The following FBXO15 variants were observed in gnomAD, a reference collection of about 807,000 sequenced individuals.
The protein encoded by FBXO15 is F-box protein 15, also known as F-box only protein 15.
In FBXO15, 30 loss-of-function variants were observed where a neutral mutation model predicts 49.5. The ratio of observed to expected loss-of-function variants is 0.61; its 90% confidence interval spans 0.45 to 0.82. The LOEUF (loss-of-function observed/expected upper bound fraction) is 0.82, where lower values mean the gene tolerates loss of function less well. Ranked by LOEUF, FBXO15 falls within the 40% of genes least tolerant of loss-of-function variation. The probability of loss-of-function intolerance (pLI) is 0.00; values close to 1 mark genes in which losing one functional copy is unlikely to be tolerated. For synonymous variants in FBXO15, 250 were observed against 232.7 expected (o/e 1.07, Z -0.68); for missense variants, 591 against 631.5 (o/e 0.94, Z 0.69).
intron 8 of FBXO15, among the ~76,000 whole-genome samples, chr18:74,102,371 G>A (rs1181022315): frequency 6.6e-6 from 1 of 152,018 alleles, no homozygotes. Flanking sequence ...CATCACTAAT[G>A]ATCAGGGTAG....
rs1274270605 is a variant in FBXO15 at position 74,074,232 on chromosome 18, C to T, written c.1264-502G>A. 6.6e-6 allele frequency among the ~76,000 whole-genome samples: 1 copy of T among 152,208 alleles called. No individual in the cohort carries two copies. Among genetic ancestry groups the T allele is most frequent in the Non-Finnish European group, 1.5e-5 (1 of 68,032 alleles). ...TGCAGCTCTGCACCCATGCTCCATGCCTGTCTCTGACATGTGCCAGCCTCC... is the reference window on the plus strand; with the variant it reads ...TGCAGCTCTGCACCCATGCTCCATGTCTGTCTCTGACATGTGCCAGCCTCC... On this transcript the variant is annotated intron_variant, in intron 9 of 9. Coordinates refer to ENST00000419743, the MANE Select transcript of FBXO15 (RefSeq NM_001142958.2). The surrounding 1 kb of genome is among the most constrained non-coding windows in gnomAD (Gnocchi z 4.7).
intron 8 of FBXO15, among the ~76,000 whole-genome samples, chr18:74,102,098 A>T (rs960507807): frequency 5.9e-5 from 9 of 152,198 alleles, no homozygotes; most frequent in African/African-American, 2.2e-4. Flanking sequence ...ATGCAATAAA[A>T]ATAAAGATAA....
chr18:74,098,569 G>GA (rs774967576), intron 8 of FBXO15: 1 of 152,172 alleles, frequency 6.6e-6, no homozygotes, highest in South Asian at 2.1e-4. Context: ...CAAAGACACA[G>GA]AAAAAAGAAT....
intron 8 of FBXO15, among the ~76,000 whole-genome samples, chr18:74,089,018 C>T (rs1376914628): frequency 1.3e-5 from 2 of 152,006 alleles, no homozygotes; most frequent in African/African-American, 4.8e-5. Flanking sequence ...ACATGACGTA[C>T]AGGTTTGTTA....
intron 9 of FBXO15, among the ~76,000 whole-genome samples, chr18:74,077,917 T>C (rs908145331): frequency 6.6e-6 from 1 of 152,116 alleles, no homozygotes; most frequent in Non-Finnish European, 1.5e-5. Context: ...CACTTGACTG[T>C]GTTACTTACA....
chr18:74,079,428 T>C (rs1912394217), intron 9 of FBXO15, among the ~76,000 whole-genome samples: 3 of 152,160 alleles, frequency 2.0e-5, no homozygotes, highest in African/African-American at 7.2e-5. Context: ...CATCTTTAAA[T>C]GAAAAGTTCT....
At chr18:74,144,889 C>T (rs960284375) in intron 1 of FBXO15, among the ~76,000 whole-genome samples, 15 of 152,112 alleles carry the variant, frequency 9.9e-5, no homozygotes, top group South Asian at 6.2e-4. Flanking sequence ...TTGTGTGTCC[C>T]GAATTTATGA....
At chr18:74,131,923 C>A (rs752878115) in intron 3 of FBXO15, among the ~76,000 whole-genome samples, 5 of 152,150 alleles carry the variant, frequency 3.3e-5, no homozygotes, top group Non-Finnish European at 7.4e-5. Flanking sequence ...TTAACCACAG[C>A]AGAAAAGGAC....
At chr18:74,131,972 G>C (rs890072194) in intron 3 of FBXO15, among the ~76,000 whole-genome samples, 1 of 152,148 alleles carries the variant, frequency 6.6e-6, no homozygotes, top group Admixed American at 6.5e-5. Context: ...CCACCTCCTT[G>C]ACTCAGACAT....
At chr18:74,113,211 G>C (rs1914103623) in intron 8 of FBXO15, among the ~76,000 whole-genome samples, 1 of 152,146 alleles carries the variant, frequency 6.6e-6, no homozygotes, top group Non-Finnish European at 1.5e-5. Context: ...GGTTAATACT[G>C]TATGATTCCA....
intron 8 of FBXO15, among the ~76,000 whole-genome samples, chr18:74,094,094 G>A (rs1000748797): frequency 6.6e-6 from 1 of 152,164 alleles, no homozygotes; most frequent in Non-Finnish European, 1.5e-5. Flanking sequence ...CTCCATCAGA[G>A]CTCTTGCATG....
intron 9 of FBXO15, among the ~76,000 whole-genome samples, chr18:74,080,481 A>G (rs1192238874): frequency 6.6e-6 from 1 of 152,208 alleles, no homozygotes; most frequent in East Asian, 1.9e-4. Context: ...CTCTACTTTA[A>G]AAACTCAAAA....
chr18:74,114,512 A>G (rs1436982955), intron 8 of FBXO15, among the ~76,000 whole-genome samples: 1 of 152,236 alleles, frequency 6.6e-6, no homozygotes, highest in African/African-American at 2.4e-5. Context: ...ACATTTCCAA[A>G]AGAATAGAAA....
intron 1 of FBXO15, among the ~76,000 whole-genome samples, chr18:74,144,053 G>A (rs530279010): frequency 2.6e-5 from 4 of 152,308 alleles, no homozygotes; most frequent in Non-Finnish European, 5.9e-5. Flanking sequence ...AAATATCGCT[G>A]AATCACTAAC....
At chr18:74,081,768 T>C (rs941919275) in intron 9 of FBXO15, among the ~76,000 whole-genome samples, 159 bp downstream of exon 9, 5 of 152,204 alleles carry the variant, frequency 3.3e-5, no homozygotes, top group Non-Finnish European at 7.3e-5. Flanking sequence ...TGTCAATGGC[T>C]AACAGAATGT....
At chr18:74,098,400 G>A (rs1913374610) in intron 8 of FBXO15, 2 of 152,134 alleles carry the variant, frequency 1.3e-5, no homozygotes, top group South Asian at 4.1e-4. Context: ...AATCTTCAGT[G>A]AAATTGAGAG....
At position 74,089,168 on chromosome 18, in the gene FBXO15, G is replaced by A. The variant is rs555141447; in HGVS notation, c.1139-7117C>T. On this transcript the variant is annotated intron_variant, in intron 8 of 9. Transcript: ENST00000419743. ...CCCTCGACAGGCCCCAGTGTGCGTT[G>A]TTCCCCTAGGTATTTTATTCTTTTT... Among the ~76,000 whole-genome samples the A allele has an allele frequency of 9.9e-5, 15 of 152,120 alleles. No homozygotes were observed. In the East Asian group the frequency reaches 2.9e-3, roughly 29 times the overall value.
At chr18:74,122,719 A>G (rs934710585) in intron 8 of FBXO15, 1 of 152,236 alleles carries the variant, frequency 6.6e-6, no homozygotes, top group African/African-American at 2.4e-5. Flanking sequence ...TGCAAAATGA[A>G]GTACATAACT....
intron 8 of FBXO15, among the ~76,000 whole-genome samples, chr18:74,087,640 G>A (rs1912805078): frequency 6.6e-6 from 1 of 152,212 alleles, no homozygotes; most frequent in Non-Finnish European, 1.5e-5. Flanking sequence ...TTGACTCTAT[G>A]TCTTTGCTAT....
Sources: allele counts gnomAD v4.1 joint callset (sites outside exome capture counted in the v4.1 genomes callset), GRCh38; gene constraint gnomAD v4.1.1; non-coding constraint Gnocchi (gnomAD v3.1); transcripts MANE v1.5; gene names NCBI Gene and HGNC (gene_info 2026-07-23, HGNC 2026-07-21).